Variants in RBFOX1 observed in about 807,000 individuals in gnomAD.
The protein encoded by RBFOX1 is RNA binding fox-1 homolog 1.
Under a neutral mutation model 57.7 loss-of-function variants are expected in RBFOX1, and 8 were observed. That is an observed-to-expected ratio of 0.14 (90% CI 0.08 to 0.25). RBFOX1 has a LOEUF of 0.25. RBFOX1 is among the 10% of genes least tolerant of loss of function. The pLI is 1.00. For missense variants in RBFOX1, 611 were observed against 548.5 expected, an observed-to-expected ratio of 1.11 and a Z score of -1.14; for synonymous variants, 326 against 222.4, an observed-to-expected ratio of 1.47 and a Z score of -4.15.
chr16:7,578,127 C>A (rs888827601), intron 5 of RBFOX1, among the ~76,000 whole-genome samples: 1 of 152,182 alleles, frequency 6.6e-6, no homozygotes, highest in East Asian at 1.9e-4. Context: ...ATTTAAAAAA[C>A]TTGCCATCAT....
upstream of RBFOX1, among the ~76,000 whole-genome samples, chr16:6,015,430 G>A (rs948640950): frequency 1.3e-5 from 2 of 152,166 alleles, no homozygotes; most frequent in Non-Finnish European, 1.5e-5. Flanking sequence ...TTATGGTAAT[G>A]GTGCATCTTG....
At chr16:6,416,816 C>G (rs1318228234) in intron 2 of RBFOX1, among the ~76,000 whole-genome samples, 7 of 152,170 alleles carry the variant, frequency 4.6e-5, no homozygotes, top group African/African-American at 1.4e-4. Flanking sequence ...CTGGTAATCA[C>G]TGACTTAGAA....
intron 4 of RBFOX1, among the ~76,000 whole-genome samples, chr16:7,086,486 T>C (rs1303360650): frequency 6.6e-6 from 1 of 152,146 alleles, no homozygotes; most frequent in Non-Finnish European, 1.5e-5. Flanking sequence ...CATGATGTGT[T>C]TCAGTAATGG....
At chr16:7,631,762 C>T (rs774160437) in intron 11 of RBFOX1, among the ~76,000 whole-genome samples, 6 of 152,258 alleles carry the variant, frequency 3.9e-5, no homozygotes, top group Middle Eastern at 3.4e-3. Context: ...CAAACATCTT[C>T]GTTTCCTAAA....
chr16:5,545,492 A>G (rs2045156884), intron 2 of RBFOX1, among the ~76,000 whole-genome samples: 1 of 152,182 alleles, frequency 6.6e-6, no homozygotes, highest in Admixed American at 6.5e-5. Flanking sequence ...AAATACAGCA[A>G]TATATAAAAA....
intron 2 of RBFOX1, among the ~76,000 whole-genome samples, chr16:6,592,608 G>C (rs2097727064): frequency 6.6e-6 from 1 of 152,180 alleles, no homozygotes; most frequent in South Asian, 2.1e-4. Flanking sequence ...TTGCTTTGAA[G>C]AGATATACAT....
chr16:6,514,740 ATTATTC>A (rs1264195008), intron 2 of RBFOX1, among the ~76,000 whole-genome samples: 1 of 152,058 alleles, frequency 6.6e-6, no homozygotes, highest in African/African-American at 2.4e-5. Flanking sequence ...AATAATGGTA[ATTATTC>A]TTATTGTAAT....
intron 4 of RBFOX1, among the ~76,000 whole-genome samples, chr16:7,217,173 C>G (rs1450279053): frequency 2.6e-5 from 4 of 151,182 alleles, no homozygotes; most frequent in Admixed American, 6.6e-5. Context: ...GGCACAATCT[C>G]AGCTCACTGC....
At chr16:6,984,040 G>C (rs542467570) in intron 3 of RBFOX1, among the ~76,000 whole-genome samples, 2 of 152,128 alleles carry the variant, frequency 1.3e-5, no homozygotes, top group African/African-American at 4.8e-5. Flanking sequence ...CTGAGGTCAG[G>C]AGTTCAAGAC....
At chr16:7,139,541 G>A (rs1428662856) in intron 4 of RBFOX1, among the ~76,000 whole-genome samples, 6 of 152,034 alleles carry the variant, frequency 3.9e-5, no homozygotes, top group African/African-American at 1.4e-4. Flanking sequence ...ATGGTTCCTG[G>A]CATATTATCT....
chr16:5,287,535 C>T (rs1488940981), intron 1 of RBFOX1, among the ~76,000 whole-genome samples: 1 of 152,194 alleles, frequency 6.6e-6, no homozygotes, highest in Non-Finnish European at 1.5e-5. Context: ...TAACAAGTCA[C>T]TCCAAATCTC....
intron 1 of RBFOX1, among the ~76,000 whole-genome samples, chr16:5,441,650 CCA>C (rs1372733570): frequency 6.6e-6 from 1 of 152,138 alleles, no homozygotes; most frequent in Non-Finnish European, 1.5e-5. Context: ...TGGGTGTGAG[CCA>C]CTGTTCCTGG....
At chr16:6,152,900 G>A (rs965294003) in intron 1 of RBFOX1, among the ~76,000 whole-genome samples, 8 of 152,184 alleles carry the variant, frequency 5.3e-5, no homozygotes, top group African/African-American at 1.9e-4. Flanking sequence ...AGGAAACACA[G>A]AAAGGAAATA....
intron 14 of RBFOX1, among the ~76,000 whole-genome samples, chr16:7,700,911 G>C (rs894275344): frequency 2.0e-5 from 3 of 152,148 alleles, no homozygotes; most frequent in Admixed American, 2.0e-4. Flanking sequence ...TAAATGGTCT[G>C]AGTCTTTTAG....
At chr16:7,199,669 C>G (rs1287439827) in intron 4 of RBFOX1, among the ~76,000 whole-genome samples, 1 of 152,096 alleles carries the variant, frequency 6.6e-6, no homozygotes, top group East Asian at 1.9e-4. Flanking sequence ...TGAGGCAGAC[C>G]AATCATTTGA....
At chr16:7,216,371 T>C (rs2092047311) in intron 4 of RBFOX1, among the ~76,000 whole-genome samples, 1 of 152,120 alleles carries the variant, frequency 6.6e-6, no homozygotes, top group Non-Finnish European at 1.5e-5. Flanking sequence ...GCATCTACCC[T>C]AGACCGGGCG....
intron 3 of RBFOX1, among the ~76,000 whole-genome samples, chr16:5,839,849 C>T (rs1172946388): frequency 2.0e-5 from 3 of 152,124 alleles, no homozygotes; most frequent in African/African-American, 7.2e-5. Flanking sequence ...ATGCCCTCAC[C>T]AGTAGTCATG....
At chr16:6,710,738 G>A (rs771390312) in intron 3 of RBFOX1, among the ~76,000 whole-genome samples, 1 of 152,206 alleles carries the variant, frequency 6.6e-6, no homozygotes, top group African/African-American at 2.4e-5. Context: ...CCATTAGATG[G>A]CAGGAAAATG....
At chr16:7,636,439 C>T (rs938126277) in intron 11 of RBFOX1, among the ~76,000 whole-genome samples, 25 of 152,196 alleles carry the variant, frequency 1.6e-4, no homozygotes, top group East Asian at 3.8e-4. Context: ...TCAGTTCACA[C>T]GTGAGTGACA....
Sources: gnomAD v4.1 joint callset for allele counts (sites outside exome capture counted in the v4.1 genomes callset) on GRCh38, gnomAD v4.1.1 for gene constraint, MANE v1.5 for transcripts, NCBI Gene and HGNC (gene_info 2026-07-23, HGNC 2026-07-21) for gene names.